The following DMD variants were observed in gnomAD, a reference collection of about 807,000 sequenced individuals.
DMD encodes the protein mutant dystrophin.
A neutral mutation model predicts 330.1 loss-of-function variants in DMD; 63 were observed. The ratio of observed to expected loss-of-function variants is 0.19; its 90% confidence interval spans 0.16 to 0.24. The LOEUF is 0.24. Among genes scored for constraint, DMD ranks in the 10% least tolerant of loss-of-function variants. The pLI, the probability that DMD is intolerant of heterozygous loss-of-function variation, is 1.00. For synonymous variants in DMD, 1,223 were observed against 959.8 expected (o/e 1.27, Z -5.07); for missense variants, 3,344 against 2,684.1 (o/e 1.25, Z -5.43).
At chrX:32,017,271 C>T (rs1237407002) in intron 44 of DMD, among the ~76,000 whole-genome samples, 1 of 111,727 alleles carries the variant, frequency 9.0e-6, no homozygotes, top group African/African-American at 3.3e-5. Flanking sequence ...TCAATAGAAA[C>T]GGATTAAATA....
At chrX:32,117,287 C>T (rs185356530) in intron 44 of DMD, among the ~76,000 whole-genome samples, 1 of 110,294 alleles carries the variant, frequency 9.1e-6, no homozygotes, top group Non-Finnish European at 1.9e-5. Context: ...GAATGGGGAA[C>T]GGAGATATCT....
chrX:32,596,017 C>G (rs1569274675), intron 12 of DMD, 141 bp from the exon 13 acceptor site: 2 of 535,330 alleles, frequency 3.7e-6, no homozygotes, highest in Non-Finnish European at 6.3e-6. Context: ...CATTCCAAGC[C>G]AATTTTCTGC....
chrX:32,165,951 C>G (rs1368918815), intron 44 of DMD, among the ~76,000 whole-genome samples: 1 of 110,667 alleles, frequency 9.0e-6, no homozygotes, highest in Non-Finnish European at 1.9e-5. Context: ...AGGTGCCTCG[C>G]TTCCCCTTCA....
At chrX:32,091,327 T>C (rs890883988) in intron 44 of DMD, among the ~76,000 whole-genome samples, 1 of 112,050 alleles carries the variant, frequency 8.9e-6, no homozygotes, top group Admixed American at 9.5e-5. Context: ...ATATATTTTT[T>C]TCAGTGATAA....
chrX:32,391,473 C>T (rs1160187461), intron 30 of DMD, among the ~76,000 whole-genome samples: 1 of 111,592 alleles, frequency 9.0e-6, no homozygotes, highest in Non-Finnish European at 1.9e-5. Context: ...CACAGATGTA[C>T]CTCAATATTA....
chrX:32,094,074 T>C (rs1385806970), intron 44 of DMD, among the ~76,000 whole-genome samples: 1 of 111,998 alleles, frequency 8.9e-6, no homozygotes, highest in Non-Finnish European at 1.9e-5. Flanking sequence ...AGGTTAATCA[T>C]GCTTTGCAAG....
intron 55 of DMD, among the ~76,000 whole-genome samples, chrX:31,593,934 A>G (rs1204712048): frequency 1.8e-5 from 2 of 111,809 alleles, no homozygotes; most frequent in Non-Finnish European, 3.8e-5. Flanking sequence ...TTCATAAGAT[A>G]AAACACACTA....
intron 53 of DMD, among the ~76,000 whole-genome samples, chrX:31,678,043 G>C (rs764737477): frequency 2.2e-4 from 25 of 112,031 alleles, no homozygotes; most frequent in Admixed American, 5.7e-4. Flanking sequence ...GAAAAGTCTG[G>C]GTTTCCAAGT....
At chrX:32,575,639 G>C (rs755701374) in intron 13 of DMD, among the ~76,000 whole-genome samples, 105 of 112,100 alleles carry the variant, frequency 9.4e-4, no homozygotes, top group Non-Finnish European at 1.7e-3. Context: ...GACCCTGTCA[G>C]TGCATGTCAG....
intron 2 of DMD, among the ~76,000 whole-genome samples, chrX:32,943,331 G>T (rs2090560661): frequency 9.0e-6 from 1 of 111,170 alleles, no homozygotes; most frequent in Non-Finnish European, 1.9e-5. Flanking sequence ...AAAAATGAGA[G>T]ACTTAAAATT....
chrX:33,241,233 G>T (rs1448756660), intron 1 of DMD, among the ~76,000 whole-genome samples: 1 of 111,811 alleles, frequency 8.9e-6, no homozygotes, highest in Non-Finnish European at 1.9e-5. Flanking sequence ...GTTAATTTTT[G>T]TACATGGTCT....
chrX:31,829,981 C>T (rs932697324), intron 49 of DMD, among the ~76,000 whole-genome samples: 4 of 112,146 alleles, frequency 3.6e-5, no homozygotes, highest in Non-Finnish European at 7.5e-5. Context: ...CAAATATTCT[C>T]TCAGAAAAGA....
intron 13 of DMD, among the ~76,000 whole-genome samples, chrX:32,594,114 A>G (rs2149257463): frequency 8.9e-6 from 1 of 112,822 alleles, no homozygotes; most frequent in South Asian, 3.6e-4. Context: ...ATCCTAAAAT[A>G]TCATCATAAT....
Position 31,121,217 on chromosome X carries a change from A to ATTTATATAC in DMD, c.*693_*701dup, listed in dbSNP as rs1421798170. ...ATCTCTTTATCTATATAACTATAGT[A>ATTTATATAC]TTTATATACTTATAGACATATAGAT... On this transcript the variant is annotated 3_prime_UTR_variant, in exon 79 of 79. Coordinates refer to ENST00000357033, the MANE Select transcript of DMD (RefSeq NM_004006.3). The ATTTATATAC allele has an allele frequency of 1.8e-5, 2 of 112,061 alleles. No homozygotes were observed. Among genetic ancestry groups the ATTTATATAC allele is most frequent in the Non-Finnish European group, 3.8e-5 (2 of 53,268 alleles). The allele number at this position is 112,061 out of a possible 1,213,427, so 9.2% of individuals were successfully genotyped here.
chrX:31,222,593 T>C (rs1312758576), intron 64 of DMD, among the ~76,000 whole-genome samples: 1 of 110,527 alleles, frequency 9.0e-6, no homozygotes, highest in Non-Finnish European at 1.9e-5. Context: ...ATTCTGTCAT[T>C]TTTCCTCTAC....
intron 11 of DMD, among the ~76,000 whole-genome samples, chrX:32,639,057 C>T (rs1026901044): frequency 1.8e-5 from 2 of 111,822 alleles, no homozygotes; most frequent in African/African-American, 6.5e-5. Context: ...CACAACTTCA[C>T]TTGGCCTCCT....
chrX:32,515,772 G>A (rs751094724), intron 18 of DMD, among the ~76,000 whole-genome samples: 13 of 111,611 alleles, frequency 1.2e-4, no homozygotes, highest in African/African-American at 4.2e-4. Context: ...GGCAAATTTT[G>A]ATTTACTAGT....
At chrX:32,099,614 A>T (rs1337943559) in intron 44 of DMD, among the ~76,000 whole-genome samples, 3 of 108,826 alleles carry the variant, frequency 2.8e-5, no homozygotes, top group Non-Finnish European at 3.8e-5. Context: ...AAACTGGAAT[A>T]CATCATTCTC....
chrX:33,106,403 C>A (rs2095288311), intron 1 of DMD, among the ~76,000 whole-genome samples: 1 of 110,781 alleles, frequency 9.0e-6, no homozygotes, highest in African/African-American at 3.3e-5. Flanking sequence ...TAAGCAAAAA[C>A]CACTTGAAAC....
Sources: gnomAD v4.1 joint callset for allele counts (sites outside exome capture counted in the v4.1 genomes callset) on GRCh38, gnomAD v4.1.1 for gene constraint, MANE v1.5 for transcripts, NCBI Gene and HGNC (gene_info 2026-07-23, HGNC 2026-07-21) for gene names.